Variants in SCNN1B observed in about 807,000 individuals in gnomAD.
SCNN1B encodes epithelial sodium channel subunit beta.
Under a neutral mutation model 65.3 loss-of-function variants are expected in SCNN1B, and 46 were observed. That is an observed-to-expected ratio of 0.70 (90% CI 0.56 to 0.90). The LOEUF is 0.90. SCNN1B is among the 40% of genes least tolerant of loss of function. The probability of loss-of-function intolerance (pLI) is 0.00; values close to 1 mark genes in which losing one functional copy is unlikely to be tolerated. For synonymous variants in SCNN1B, 349 were observed against 330.6 expected, an observed-to-expected ratio of 1.06 and a Z score of -0.60; for missense variants, 751 against 830.5, an observed-to-expected ratio of 0.90 and a Z score of 1.18.
At chr16:23,352,623 C>T (rs1040849053) in intron 2 of SCNN1B, among the ~76,000 whole-genome samples, 178 bp from the exon 3 acceptor site, 1 of 152,208 alleles carries the variant, frequency 6.6e-6, no homozygotes, top group Admixed American at 6.5e-5. Context: ...TGAGACCTCT[C>T]TCCAGCCATG....
intron 2 of SCNN1B, among the ~76,000 whole-genome samples, chr16:23,351,473 C>T (rs1407961230): frequency 1.3e-5 from 2 of 152,190 alleles, no homozygotes; most frequent in Non-Finnish European, 2.9e-5. Flanking sequence ...CCTGCACAGA[C>T]GCCACCCTTC....
At chr16:23,286,149 G>T (rs945704084) in intron 2 of SCNN1B, among the ~76,000 whole-genome samples, 16 of 152,134 alleles carry the variant, frequency 1.1e-4, no homozygotes, top group Middle Eastern at 3.2e-3. Context: ...AACAAGGAAA[G>T]AATTTATTCT....
At chr16:23,290,794 A>C (rs1419381980) in intron 2 of SCNN1B, among the ~76,000 whole-genome samples, 1 of 152,156 alleles carries the variant, frequency 6.6e-6, no homozygotes. Context: ...AAGGTCTCTT[A>C]TTTTCCTTCC....
chr16:23,331,536 T>G (rs1961812451), intron 1 of SCNN1B, among the ~76,000 whole-genome samples: 1 of 151,984 alleles, frequency 6.6e-6, no homozygotes, highest in Admixed American at 6.6e-5. Flanking sequence ...GCCAGGCTGG[T>G]CTCGAACTCT....
In SCNN1B at chr16:23,343,170, C is replaced by T. The variant is rs111766047; in HGVS notation, c.-8-5422C>T. Among the ~76,000 whole-genome samples, 573 of 152,100 alleles carry T rather than the reference C, an allele frequency of 3.8e-3. 5 individuals carry two copies. Among genetic ancestry groups the T allele is most frequent in the African/African-American group, 0.013 (540 of 41,520 alleles). On this transcript the variant is annotated intron_variant, in intron 1 of 12. Transcript: ENST00000343070. ...AACCTGTCTCGTAAGAGAACTGAAA[C>T]AGGGCTGGGCATGGTGGCTCATGCC...
At chr16:23,331,721 T>C (rs1961815908) in intron 1 of SCNN1B, among the ~76,000 whole-genome samples, 1 of 152,174 alleles carries the variant, frequency 6.6e-6, no homozygotes, top group South Asian at 2.1e-4. Context: ...TTTTAAAATA[T>C]GAATTTGGTG....
At chr16:23,296,486 T>C (rs909278006) in intron 2 of SCNN1B, among the ~76,000 whole-genome samples, 5 of 152,190 alleles carry the variant, frequency 3.3e-5, no homozygotes, top group Middle Eastern at 3.2e-3. Flanking sequence ...TAGCAAAACA[T>C]TTCAGAACAT....
In SCNN1B at chr16:23,352,825, G is replaced by A. The variant is rs1251114394; in HGVS notation, c.336G>A (p.Leu112=). The A allele has an allele frequency of 6.2e-7, 1 of 1,614,012 alleles. No homozygotes were observed. Among genetic ancestry groups the A allele is most frequent in the Non-Finnish European group, 8.5e-7 (1 of 1,180,040 alleles). The change falls in exon 3 of 13, where the codon CTG becomes CTA. Residue 112 remains leucine, a synonymous_variant. Coordinates refer to ENST00000343070, the MANE Select transcript of SCNN1B (RefSeq NM_000336.3). ...PFKYSKIKHL[L]KDLDELMEAV... The stretch of plus-strand genomic sequence containing the variant: ...GGTATTCCAAAATCAAGCATTTGCT[G>A]AAGGACCTGGATGAGCTGATGGAAG...
intron 1 of SCNN1B, among the ~76,000 whole-genome samples, chr16:23,311,300 G>A (rs1240245436): frequency 1.3e-5 from 2 of 152,180 alleles, no homozygotes; most frequent in East Asian, 3.9e-4. Context: ...CCCTCCACAT[G>A]CTAGGGAGCT....
chr16:23,358,986 C>A (rs1962478197), intron 4 of SCNN1B, among the ~76,000 whole-genome samples: 1 of 152,256 alleles, frequency 6.6e-6, no homozygotes, highest in Non-Finnish European at 1.5e-5. Flanking sequence ...CTGGGCCTTT[C>A]TCGTCCCTGT....
At chr16:23,287,589 A>G (rs1050920154) in intron 2 of SCNN1B, among the ~76,000 whole-genome samples, 6 of 151,968 alleles carry the variant, frequency 3.9e-5, no homozygotes, top group African/African-American at 1.4e-4. Context: ...GCCAGCCATG[A>G]TAGCACGCAC....
chr16:23,380,946 C>T lies in SCNN1B; in HGVS notation c.*145C>T, dbSNP rs1567322124. On this transcript the variant is annotated 3_prime_UTR_variant, in exon 13 of 13. Coordinates refer to ENST00000343070, the MANE Select transcript of SCNN1B (RefSeq NM_000336.3). This position sits in a 1 kb window ranked among gnomAD's most constrained non-coding sequence, Gnocchi z 5.4. Reference sequence around the variant, plus strand: ...TTGTGTCCTTCAACAGAGAGGCCAGCGGCAACTGGTCCGTTACTGGCCAAG... The same window carrying T: ...TTGTGTCCTTCAACAGAGAGGCCAGTGGCAACTGGTCCGTTACTGGCCAAG... The T allele has an allele frequency of 1.1e-5, 10 of 870,230 alleles. No homozygotes were observed. Among genetic ancestry groups the T allele is most frequent in the Admixed American group, 7.0e-5 (4 of 57,390 alleles). 53.9% of individuals were successfully genotyped at this position (870,230 alleles called of 1,614,324 possible). A position where few individuals can be genotyped will look rare whatever the true frequency, so the allele number is the denominator to read the frequency against.
At chr16:23,375,386 C>T (rs913237404) in intron 7 of SCNN1B, among the ~76,000 whole-genome samples, 1 of 152,184 alleles carries the variant, frequency 6.6e-6, no homozygotes, top group Admixed American at 6.5e-5. Context: ...CTGGCATCCT[C>T]ATAATGAGAG....
intron 5 of SCNN1B, among the ~76,000 whole-genome samples, chr16:23,369,638 CAGCGACCATCGGGGCCGCTGG>C (rs1962742860): frequency 6.6e-6 from 1 of 152,108 alleles, no homozygotes; most frequent in Non-Finnish European, 1.5e-5. Flanking sequence ...GGCTCTCATT[CAGCGACCATCGGGGCCGCTGG>C]CCAAGAGGGC....
At chr16:23,308,879 A>G (rs1279756035) in intron 1 of SCNN1B, among the ~76,000 whole-genome samples, 1 of 152,196 alleles carries the variant, frequency 6.6e-6, no homozygotes, top group African/African-American at 2.4e-5. Flanking sequence ...CTGGGATTAC[A>G]GGTGTAAATC....
At chr16:23,313,482 G>A (rs778406185) in intron 1 of SCNN1B, among the ~76,000 whole-genome samples, 7 of 152,186 alleles carry the variant, frequency 4.6e-5, no homozygotes, top group South Asian at 2.1e-4. Context: ...TTTGCCTTAC[G>A]TACAAGGACT....
upstream of SCNN1B, among the ~76,000 whole-genome samples, chr16:23,298,819 T>TCTGGCAA: frequency 6.6e-6 from 1 of 152,170 alleles, no homozygotes; most frequent in African/African-American, 2.4e-5. Flanking sequence ...CTTGCCAGCC[T>TCTGGCAA]AACATCAACC....
chr16:23,369,814 T>G (rs1435596086), intron 5 of SCNN1B, among the ~76,000 whole-genome samples: 1 of 152,254 alleles, frequency 6.6e-6, no homozygotes, highest in Non-Finnish European at 1.5e-5. Flanking sequence ...ACTTCCTCAC[T>G]GGAAGACCTC....
intron 4 of SCNN1B, 62 bp downstream of exon 4, chr16:23,355,551 G>T: frequency 1.9e-6 from 3 of 1,549,416 alleles, no homozygotes; most frequent in Non-Finnish European, 2.7e-6. Context: ...GGCATGTTAC[G>T]GTTGGGAGCA....
Sources: allele counts gnomAD v4.1 joint callset (sites outside exome capture counted in the v4.1 genomes callset), GRCh38; gene constraint gnomAD v4.1.1; non-coding constraint Gnocchi (gnomAD v3.1); transcripts MANE v1.5; gene names NCBI Gene and HGNC (gene_info 2026-07-23, HGNC 2026-07-21).